Variants in SNX29 observed in about 807,000 individuals in gnomAD.
The protein encoded by SNX29 is sorting nexin 29, also known as sorting nexin-29.
In SNX29, 78 loss-of-function variants were observed where a neutral mutation model predicts 102.1. The ratio of observed to expected loss-of-function variants is 0.76; its 90% confidence interval spans 0.64 to 0.92. The LOEUF is 0.92. Ranked by LOEUF, SNX29 falls within the 40% of genes least tolerant of loss-of-function variation. SNX29 has a pLI of 0.00. For missense variants in SNX29, 1,280 were observed against 1,061.7 expected, an observed-to-expected ratio of 1.21 and a Z score of -2.86; for synonymous variants, 580 against 414.5, an observed-to-expected ratio of 1.40 and a Z score of -4.85.
At chr16:12,560,572 G>C (rs972531169) in intron 20 of SNX29, among the ~76,000 whole-genome samples, 1 of 152,108 alleles carries the variant, frequency 6.6e-6, no homozygotes, top group Non-Finnish European at 1.5e-5. Context: ...TGATTCCTTG[G>C]GGTCTGTCCA....
intron 11 of SNX29, among the ~76,000 whole-genome samples, chr16:12,097,181 C>T (rs2052801758): frequency 6.6e-6 from 1 of 152,246 alleles, no homozygotes; most frequent in South Asian, 2.1e-4. Flanking sequence ...GTCCTTGTCA[C>T]CCGTTAACTC....
rs77883095 is a variant in SNX29 at position 12,559,606 on chromosome 16, C to T, written c.2319-8900C>T. 8.8e-3 allele frequency among the ~76,000 whole-genome samples: 1,337 copies of T among 152,212 alleles called. 21 individuals are homozygous for T. Among genetic ancestry groups the T allele is most frequent in the African/African-American group, 0.031 (1,274 of 41,498 alleles). On this transcript the variant is annotated intron_variant, in intron 20 of 20. Coordinates refer to ENST00000566228, the MANE Select transcript of SNX29 (RefSeq NM_032167.5). ...CTGGTGCCAAAAAGGTTGGGGACTG[C>T]TGCCACGTGACCTTGCACATGGCCC...
At chr16:12,230,435 G>T (rs1257876674) in intron 14 of SNX29, among the ~76,000 whole-genome samples, 1 of 152,194 alleles carries the variant, frequency 6.6e-6, no homozygotes, top group East Asian at 1.9e-4. Flanking sequence ...CACAGTAGCA[G>T]GATTGCAAAG....
intron 16 of SNX29, among the ~76,000 whole-genome samples, chr16:12,394,609 A>C (rs2083653925): frequency 6.6e-6 from 1 of 152,144 alleles, no homozygotes; most frequent in East Asian, 1.9e-4. Flanking sequence ...TGGACATCCA[A>C]GATGGTGCTC....
chr16:12,060,851 A>G, intron 8 of SNX29: 1 of 456,330 alleles, frequency 2.2e-6, no homozygotes, highest in Non-Finnish European at 4.4e-6. Context: ...GTAAGGTGAC[A>G]GTATAACAGA....
chr16:11,997,315 C>G (rs1168490450), intron 1 of SNX29, among the ~76,000 whole-genome samples: 2 of 152,142 alleles, frequency 1.3e-5, no homozygotes, highest in Non-Finnish European at 2.9e-5. Flanking sequence ...GCTGTTCCTT[C>G]TCTTCATAGA....
intron 13 of SNX29, among the ~76,000 whole-genome samples, chr16:12,144,251 C>T (rs1352711227): frequency 6.6e-6 from 1 of 152,178 alleles, no homozygotes; most frequent in Non-Finnish European, 1.5e-5. Context: ...TTTTTTGTTG[C>T]TTGGCTGGTT....
chr16:12,269,762 A>G (rs1213726942), intron 14 of SNX29, among the ~76,000 whole-genome samples: 2 of 152,146 alleles, frequency 1.3e-5, no homozygotes, highest in Non-Finnish European at 2.9e-5. Flanking sequence ...ACATGAATAG[A>G]GAAGTATGTT....
intron 18 of SNX29, among the ~76,000 whole-genome samples, chr16:12,476,421 T>TATATATAC (rs2087638983): frequency 5.8e-5 from 3 of 51,978 alleles, no homozygotes; most frequent in African/African-American, 1.3e-4. Context: ...TACATATATA[T>TATATATAC]ATATATATAT....
rs116247803 is a variant in SNX29, at chr16:12,554,285, G to A, written c.2319-14221G>A. 2.0e-3 allele frequency among the ~76,000 whole-genome samples: 306 copies of A among 152,328 alleles called. 2 individuals carry two copies. The highest frequency in any genetic ancestry group is 7.0e-3 in the African/African-American group (292 of 41,574). ...TTGGTGCATCTGTGTATACATGGGT[G>A]CTTGCTTCATATGAGGTTTCAGTTT... On this transcript the variant is annotated intron_variant, in intron 20 of 20. Coordinates refer to ENST00000566228, the MANE Select transcript of SNX29 (RefSeq NM_032167.5).
chr16:12,020,623 C>T (rs915042529), intron 3 of SNX29, among the ~76,000 whole-genome samples: 1 of 151,034 alleles, frequency 6.6e-6, no homozygotes, highest in Non-Finnish European at 1.5e-5. Flanking sequence ...TAGCTCATGG[C>T]TCATTTTTTT....
intron 3 of SNX29, among the ~76,000 whole-genome samples, chr16:12,012,605 C>T (rs964192387): frequency 6.6e-6 from 1 of 151,958 alleles, no homozygotes; most frequent in Non-Finnish European, 1.5e-5. Context: ...GATGAGGTTT[C>T]ACCATGTTGG....
chr16:12,564,303 C>T (rs1028371704), intron 20 of SNX29, among the ~76,000 whole-genome samples: 4 of 152,206 alleles, frequency 2.6e-5, no homozygotes, highest in African/African-American at 9.6e-5. Context: ...AAGTTGCTGG[C>T]TAGACTTCAC....
Position 12,568,340 on chromosome 16 carries a change from G to A in SNX29, c.2319-166G>A, listed in dbSNP as rs78112350. ...AAATGGAAAGGTTTACGTGACAATA[G>A]GGGTTTCTCATTTCTTCAGGTGGCA... On this transcript the variant is annotated intron_variant, in intron 20 of 20. Coordinates refer to ENST00000566228, the MANE Select transcript of SNX29 (RefSeq NM_032167.5). 8.6e-5 allele frequency among the ~76,000 whole-genome samples: 13 copies of A among 151,044 alleles called. No individual in the cohort carries two copies. The East Asian group carries it at 1.6e-3, about 18-fold the overall frequency.
At position 12,474,196 on chromosome 16, in the gene SNX29, A is replaced by G. The variant is rs188636784; in HGVS notation, c.2038-3523A>G. Among the ~76,000 whole-genome samples the G allele has an allele frequency of 3.9e-3, 596 of 152,226 alleles. 2 individuals are homozygous for G. The highest frequency in any genetic ancestry group is 6.2e-3 in the Non-Finnish European group (424 of 68,004). ...CTGACCTCTCTGAGCCCATTACTTC[A>G]GCTGAAAAGGGAGTGTTCGTACCAT... is the stretch of plus-strand genomic sequence containing the variant. On this transcript the variant is annotated intron_variant, in intron 18 of 20. Coordinates refer to ENST00000566228, the MANE Select transcript of SNX29 (RefSeq NM_032167.5).
chr16:12,087,904 C>A (rs1384690889), intron 11 of SNX29: 1 of 456,682 alleles, frequency 2.2e-6, no homozygotes, highest in African/African-American at 2.0e-5. Flanking sequence ...CTGATTCCTG[C>A]TGGTGGAGCT....
chr16:12,310,127 T>TGCACAC (rs1286871243), intron 15 of SNX29, among the ~76,000 whole-genome samples: 5 of 151,850 alleles, frequency 3.3e-5, no homozygotes, highest in Non-Finnish European at 5.9e-5. Flanking sequence ...CACGCACACA[T>TGCACAC]GCATGCACAT....
At chr16:12,545,906 T>C (rs1413335230) in intron 20 of SNX29, among the ~76,000 whole-genome samples, 1 of 152,130 alleles carries the variant, frequency 6.6e-6, no homozygotes, top group Non-Finnish European at 1.5e-5. Context: ...ACCTGGAGCA[T>C]TCTAGGTGTT....
At chr16:12,250,477 G>A (rs1026754519) in intron 14 of SNX29, among the ~76,000 whole-genome samples, 6 of 152,174 alleles carry the variant, frequency 3.9e-5, no homozygotes, top group African/African-American at 1.4e-4. Flanking sequence ...CAGAAGCACA[G>A]CTATGGATCA....
Sources: allele counts gnomAD v4.1 joint callset (sites outside exome capture counted in the v4.1 genomes callset), GRCh38; gene constraint gnomAD v4.1.1; transcripts MANE v1.5; gene names NCBI Gene and HGNC (gene_info 2026-07-23, HGNC 2026-07-21).